The following SRRM1 variants were observed in gnomAD, a reference collection of about 807,000 sequenced individuals.
The protein encoded by SRRM1 is serine and arginine repetitive matrix 1.
In SRRM1, 19 loss-of-function variants were observed where a neutral mutation model predicts 110.2. The ratio of observed to expected loss-of-function variants is 0.17; its 90% confidence interval spans 0.12 to 0.25. SRRM1 has a LOEUF of 0.25. Among genes scored for constraint, SRRM1 ranks in the 10% least tolerant of loss-of-function variants. The probability of loss-of-function intolerance (pLI) is 1.00; values close to 1 mark genes in which losing one functional copy is unlikely to be tolerated. For synonymous variants in SRRM1, 443 were observed against 414.9 expected (o/e 1.07, Z -0.82); for missense variants, 918 against 1,145.8 (o/e 0.80, Z 2.87).
chr1:24,667,557 TCAGA>T (rs1670615818), intron 13 of SRRM1, among the ~76,000 whole-genome samples: 1 of 152,176 alleles, frequency 6.6e-6, no homozygotes, highest in Admixed American at 6.5e-5. Flanking sequence ...TAGGAAATAA[TCAGA>T]CAAACCCAAA....
intron 8 of SRRM1, among the ~76,000 whole-genome samples, chr1:24,653,574 T>A (rs1366617431): frequency 6.6e-6 from 1 of 152,216 alleles, no homozygotes; most frequent in East Asian, 1.9e-4. Flanking sequence ...TCCATAGATA[T>A]AATTGCTATT....
intron 12 of SRRM1, among the ~76,000 whole-genome samples, chr1:24,663,661 G>T (rs1005756425): frequency 6.6e-6 from 1 of 151,874 alleles, no homozygotes; most frequent in Non-Finnish European, 1.5e-5. Context: ...AGAGGATCAC[G>T]AGGTCAGGAG....
chr1:24,671,726 A>G, intron 16 of SRRM1, 131 bp downstream of exon 16: 1 of 733,988 alleles, frequency 1.4e-6, no homozygotes, highest in South Asian at 2.2e-5. Context: ...GTCACGTACC[A>G]TACAGTTCAC....
At chr1:24,666,642 G>A (rs1332004613) in intron 12 of SRRM1, 173 bp from the exon 13 acceptor site, 1 of 538,196 alleles carries the variant, frequency 1.9e-6, no homozygotes, top group East Asian at 3.7e-5. Flanking sequence ...ATGGGTGCCT[G>A]TAATCCCAAC....
At position 24,653,009 on chromosome 1, in the gene SRRM1, A is replaced by G. The variant is rs1451586864; in HGVS notation, c.1017A>G (p.Arg339=). ...PRRMPPPPRH[R]RSRSPVRRRR... ...GAATGCCTCCTCCACCAAGGCATAG[A>G]AGGAGTAGATCTCCAGTAAGACGGT... The change falls in exon 8 of 17, where the codon AGA becomes AGG. Residue 339 remains arginine, a synonymous_variant. Transcript: ENST00000323848. 2 of 1,613,782 alleles carry G rather than the reference A, an allele frequency of 1.2e-6. No individual in the cohort carries two copies. The highest frequency in any genetic ancestry group is 2.2e-5 in the South Asian group (2 of 91,032).
At chr1:24,661,427 C>T in intron 11 of SRRM1, 31 bp downstream of exon 11, 1 of 1,501,914 alleles carries the variant, frequency 6.7e-7, no homozygotes, top group African/African-American at 1.4e-5. Context: ...TTTTTTTCTA[C>T]CTGTATTTCC....
chr1:24,666,999 G>C, intron 13 of SRRM1, 74 bp downstream of exon 13: 1 of 874,516 alleles, frequency 1.1e-6, no homozygotes, highest in Non-Finnish European at 1.8e-6. Flanking sequence ...ATGAGTAATG[G>C]TGCTCACTTC....
In SRRM1 at chr1:24,671,358, G is replaced by A. The variant is rs901993925; in HGVS notation, c.2401-28G>A. On this transcript the variant is annotated intron_variant, in intron 15 of 16. Transcript: ENST00000323848. The stretch of plus-strand genomic sequence containing the variant: ...AATATTAATCAGATTGATTATAAAT[G>A]CTGGGTGTTGTTTTTTTTTCTTCCT... The A allele has an allele frequency of 7.1e-6, 11 of 1,555,470 alleles. 1 individual carries two copies. In the African/African-American group the frequency reaches 1.2e-4, roughly 18 times the overall value.
chr1:24,669,285 G>T lies in SRRM1; in HGVS notation c.1902G>T (p.Arg634=). Reference sequence around the variant, plus strand: ...CACCATCTCCACCACCAAAGCGGCGGGTCTCCCATTCTCCACCTCCCAAAC... The same window carrying T: ...CACCATCTCCACCACCAAAGCGGCGTGTCTCCCATTCTCCACCTCCCAAAC... ...RASPSPPPKR[R]VSHSPPPKQR... Residue 634 remains arginine (R), a synonymous_variant, in exon 14 of 17, where the codon CGG becomes CGT. Transcript: ENST00000323848. 2 of 1,613,948 alleles carry T rather than the reference G, an allele frequency of 1.2e-6. No individual in the cohort carries two copies. Among genetic ancestry groups the T allele is most frequent in the Non-Finnish European group, 8.5e-7 (1 of 1,180,008 alleles).
chr1:24,647,820 G>C (rs1433508734), intron 3 of SRRM1: 2 of 152,332 alleles, frequency 1.3e-5, no homozygotes, highest in Admixed American at 6.5e-5. Context: ...AGGAACAGGG[G>C]AGAAAGTTTT....
rs890981901 is a variant in SRRM1, at chr1:24,648,860, A to G, written c.236A>G (p.Asn79Ser). ...EFIFNQLEVK[N>S]PDSKMMQINL... ...TCTTCCTGTCGTGTCTTTTTGCAGA[A>G]TCCAGACTCCAAAATGATGCAAATC... Residue 79 changes from asparagine (N) to serine (S), a missense_variant and splice_region_variant, in exon 4 of 17, where the codon AAT (asparagine) becomes AGT (serine). Asn to Ser is a conservative substitution (Grantham distance 46). Around this residue, in one of 5 missense-constraint regions of SRRM1, gnomAD observed 38 missense variants for 144.5 expected, o/e 0.26. Coordinates refer to ENST00000323848, the MANE Select transcript of SRRM1 (RefSeq NM_005839.4). The G allele has an allele frequency of 3.7e-6, 6 of 1,609,304 alleles. No homozygotes were observed. In the Admixed American group the frequency reaches 1.0e-4, roughly 27 times the overall value.
rs1457512345 is a variant in SRRM1, at chr1:24,646,696, T to C, written c.141T>C (p.Val47=). Residue 47 remains valine, a synonymous_variant, in exon 3 of 17, where the codon GTT becomes GTC. Transcript: ENST00000323848. The part of the protein sequence containing the change: ...KVDMSKVNLE[V]IKPWITKRVT... ...ACATGAGCAAAGTAAATTTGGAGGT[T>C]ATAAAGCCTTGGATAACAAAAAGAG... 1.0e-5 allele frequency: 16 copies of C among 1,605,752 alleles called. No individual in the cohort carries two copies. The highest frequency in any genetic ancestry group is 1.4e-5 in the Non-Finnish European group (16 of 1,177,350).
At chr1:24,652,679 C>T (rs746696325) in intron 7 of SRRM1, 51 bp downstream of exon 7, 9 of 1,473,086 alleles carry the variant, frequency 6.1e-6, no homozygotes, top group African/African-American at 1.4e-5. Context: ...ATATACTACT[C>T]TACTGGGTAC....
intron 1 of SRRM1, 77 bp downstream of exon 1, chr1:24,643,424 C>A: frequency 1.5e-6 from 2 of 1,331,532 alleles, no homozygotes; most frequent in South Asian, 1.5e-5. Context: ...TAGCTTGGCA[C>A]AGGGTGGCCA....
chr1:24,652,336 G>T, intron 6 of SRRM1, 98 bp from the exon 7 acceptor site: 1 of 882,152 alleles, frequency 1.1e-6, no homozygotes, highest in Non-Finnish European at 1.6e-6. Context: ...TGTGAATTTT[G>T]AAAAGTTTTA....
intron 5 of SRRM1, among the ~76,000 whole-genome samples, 157 bp downstream of exon 5, chr1:24,650,243 C>T (rs890843750): frequency 6.6e-6 from 1 of 152,216 alleles, no homozygotes. Flanking sequence ...CTAAAGAAAT[C>T]TGTCATATTT....
rs1342619096 is a variant in SRRM1, at chr1:24,652,907, T to C, written c.921-6T>C. 2.5e-6 allele frequency: 4 copies of C among 1,613,364 alleles called. No homozygotes were observed. The highest frequency in any genetic ancestry group is 1.3e-5 in the African/African-American group (1 of 75,018). The stretch of plus-strand genomic sequence containing the variant: ...ATTCAGGACCTAATTCTCTTTGTTA[T>C]GGCAGATCGTATTCACCTAGAAGGC... On this transcript the variant is annotated splice_polypyrimidine_tract_variant and splice_region_variant and intron_variant, in intron 7 of 16. Transcript: ENST00000323848.
intron 1 of SRRM1, among the ~76,000 whole-genome samples, chr1:24,643,985 T>C (rs1265919220): frequency 6.6e-6 from 1 of 152,076 alleles, no homozygotes; most frequent in Non-Finnish European, 1.5e-5. Flanking sequence ...AATGTGAATT[T>C]AAGGTTCTGT....
Position 24,669,140 on chromosome 1 carries a change from C to T in SRRM1, c.1757C>T (p.Pro586Leu), listed in dbSNP as rs139001382. ...TTTCCTAGGACTCCTTCTCCTCCCC[C>T]ACGTCGGCGCTCACCTTCTCCTAGA... is the stretch of plus-strand genomic sequence containing the variant. Reference protein sequence around the residue: ...PPRRRTPSPPPRRRSPSPRRY... With the variant: ...PPRRRTPSPPLRRRSPSPRRY... Residue 586 changes from proline (P) to leucine (L), a missense_variant, in exon 14 of 17, where the codon CCA (proline) becomes CTA (leucine). Pro to Leu is a moderately conservative substitution (Grantham distance 98). Transcript: ENST00000323848. 1.1e-5 allele frequency: 18 copies of T among 1,607,796 alleles called. No homozygotes were observed. Among genetic ancestry groups the T allele is most frequent in the East Asian group, 2.2e-5 (1 of 44,686 alleles).
Sources: gnomAD v4.1 joint callset for allele counts (sites outside exome capture counted in the v4.1 genomes callset) on GRCh38, gnomAD v4.1.1 for gene constraint, gnomAD v4.1.1 regional missense constraint, MANE v1.5 for transcripts, NCBI Gene and HGNC (gene_info 2026-07-23, HGNC 2026-07-21) for gene names.